CHIC2: variants seen among roughly 807,000 people sequenced by gnomAD.
The protein encoded by CHIC2 is cysteine rich hydrophobic domain 2, also known as cysteine-rich hydrophobic domain-containing protein 2.
A neutral mutation model predicts 25.9 loss-of-function variants in CHIC2; 14 were observed. The ratio of observed to expected loss-of-function variants is 0.54; its 90% confidence interval spans 0.36 to 0.85. The LOEUF is 0.85. Ranked by LOEUF, CHIC2 falls within the 40% of genes least tolerant of loss-of-function variation. CHIC2 has a pLI of 0.01. For synonymous variants in CHIC2, 70 were observed against 72.0 expected, an observed-to-expected ratio of 0.97 and a Z score of 0.14; for missense variants, 146 against 202.0, an observed-to-expected ratio of 0.72 and a Z score of 1.68.
chr4:54,009,999 T>G lies in CHIC2; in HGVS notation c.*96A>C. The G allele has an allele frequency of 1.3e-6, 1 of 756,872 alleles. No homozygotes were observed. The highest frequency in any genetic ancestry group is 2.2e-6 in the Non-Finnish European group (1 of 460,434). The allele number at this position is 756,872 out of a possible 1,614,324, so 46.9% of individuals were successfully genotyped here. ...AAACAAAAAAAACACCACACGATTC[T>G]GTAGAACCAATGTTATGTCACCACC... On this transcript the variant is annotated 3_prime_UTR_variant, in exon 6 of 6. Coordinates refer to ENST00000263921, the MANE Select transcript of CHIC2 (RefSeq NM_012110.4).
chr4:54,025,143 A>C (rs368561739), intron 3 of CHIC2, among the ~76,000 whole-genome samples: 7 of 152,008 alleles, frequency 4.6e-5, no homozygotes, highest in East Asian at 1.9e-4. Context: ...CCAAGCTAAG[A>C]CATCATATCC....
intron 3 of CHIC2, among the ~76,000 whole-genome samples, chr4:54,033,049 C>T (rs1165112338): frequency 6.6e-6 from 1 of 152,158 alleles, no homozygotes; most frequent in Non-Finnish European, 1.5e-5. Flanking sequence ...GATGCCTGCT[C>T]CTTTTCATCG....
chr4:54,020,330 C>T (rs1320708316), intron 3 of CHIC2, among the ~76,000 whole-genome samples: 1 of 152,182 alleles, frequency 6.6e-6, no homozygotes, highest in Non-Finnish European at 1.5e-5. Flanking sequence ...CCACCCCCTG[C>T]CACAAAACAC....
the CHIC2 span, among the ~76,000 whole-genome samples, chr4:54,077,830 G>GT: frequency 1.3e-5 from 2 of 152,158 alleles, no homozygotes; most frequent in Non-Finnish European, 2.9e-5. Flanking sequence ...GTTCAAGGGC[G>GT]TATCACTTGA....
In CHIC2 at chr4:54,013,521, G is replaced by A. The variant is rs187630176; in HGVS notation, c.447+316C>T. 5.7e-3 allele frequency among the ~76,000 whole-genome samples: 867 copies of A among 152,166 alleles called. 11 individuals are homozygous for A. The highest frequency in any genetic ancestry group is 0.019 in the African/African-American group (793 of 41,542). ...AAAAAAGCCATATCTGACTTGCTGCGTAACCAAAGTTGTGGTTATTCTTTA... is the reference window on the plus strand; with the variant it reads ...AAAAAAGCCATATCTGACTTGCTGCATAACCAAAGTTGTGGTTATTCTTTA... On this transcript the variant is annotated intron_variant, in intron 5 of 5. Transcript: ENST00000263921.
the CHIC2 span, among the ~76,000 whole-genome samples, chr4:54,074,187 TTCTGTG>T: frequency 1.3e-5 from 2 of 152,126 alleles, no homozygotes; most frequent in South Asian, 4.1e-4. Flanking sequence ...TTTTTTTCTC[TTCTGTG>T]TCTGTGTGTA....
At chr4:54,088,192 T>A in the CHIC2 span, among the ~76,000 whole-genome samples, 1 of 152,094 alleles carries the variant, frequency 6.6e-6, no homozygotes, top group Non-Finnish European at 1.5e-5. Flanking sequence ...TTTGTTCTCT[T>A]TTTTTTAATG....
intron 3 of CHIC2, among the ~76,000 whole-genome samples, chr4:54,016,421 G>T (rs1715741739): frequency 6.6e-6 from 1 of 151,990 alleles, no homozygotes. Context: ...TATAAATCTT[G>T]AATTCCAAAA....
intron 3 of CHIC2, among the ~76,000 whole-genome samples, chr4:54,043,216 T>G (rs945392742): frequency 6.6e-6 from 1 of 152,006 alleles, no homozygotes; most frequent in Non-Finnish European, 1.5e-5. Flanking sequence ...GGTCAGGAGA[T>G]TGAGACCATC....
chr4:54,048,008 G>A (rs186286975), intron 3 of CHIC2, among the ~76,000 whole-genome samples: 24 of 152,100 alleles, frequency 1.6e-4, no homozygotes, highest in African/African-American at 5.3e-4. Flanking sequence ...TGTTTGTTGA[G>A]ACAGAGTTTC....
In CHIC2 at chr4:54,023,713, G is replaced by A. The variant is rs561251820; in HGVS notation, c.331-9594C>T. The stretch of plus-strand genomic sequence containing the variant: ...TTCCACATCTATCATTGAGGCTACC[G>A]CTCTGCCCCTCTCCACTACCTCTCA... On this transcript the variant is annotated intron_variant, in intron 3 of 5. Coordinates refer to ENST00000263921, the MANE Select transcript of CHIC2 (RefSeq NM_012110.4). Among the ~76,000 whole-genome samples, 17 of 152,216 alleles carry A rather than the reference G, an allele frequency of 1.1e-4. No individual in the cohort carries two copies. In the East Asian group the frequency reaches 1.4e-3, roughly 12 times the overall value.
At chr4:54,041,697 A>C (rs1716581852) in intron 3 of CHIC2, among the ~76,000 whole-genome samples, 1 of 152,170 alleles carries the variant, frequency 6.6e-6, no homozygotes, top group African/African-American at 2.4e-5. Flanking sequence ...TAATCCATGT[A>C]TTTTTACCTT....
At chr4:54,011,509 T>A (rs969209220) in intron 5 of CHIC2, among the ~76,000 whole-genome samples, 2 of 152,134 alleles carry the variant, frequency 1.3e-5, no homozygotes, top group African/African-American at 2.4e-5. Flanking sequence ...AGCTTTAAAA[T>A]TTGACAATTA....
chr4:54,046,241 A>T (rs1473343891), intron 3 of CHIC2, among the ~76,000 whole-genome samples: 1 of 152,194 alleles, frequency 6.6e-6, no homozygotes, highest in Admixed American at 6.5e-5. Flanking sequence ...TAATTTATAG[A>T]TTCAATGCCA....
At chr4:54,072,019 G>A in the CHIC2 span, among the ~76,000 whole-genome samples, 1 of 151,396 alleles carries the variant, frequency 6.6e-6, no homozygotes, top group African/African-American at 2.4e-5. Context: ...TTTAGGCTGG[G>A]TGCGGTGGCT....
chr4:54,048,544 C>T (rs73252926), intron 3 of CHIC2, among the ~76,000 whole-genome samples: 1,582 of 152,142 alleles, frequency 0.01, 17 homozygotes, highest in Non-Finnish European at 0.016. Flanking sequence ...TAAGAGTTTT[C>T]CAAACATTTT....
chr4:54,022,203 C>T (rs931213319), intron 3 of CHIC2, among the ~76,000 whole-genome samples: 3 of 152,180 alleles, frequency 2.0e-5, no homozygotes, highest in Non-Finnish European at 2.9e-5. Context: ...GGCAGCCACT[C>T]CCAGAGCCCC....
chr4:54,052,476 T>TCTTTGTC (rs1717031173), intron 1 of CHIC2, among the ~76,000 whole-genome samples: 1 of 151,842 alleles, frequency 6.6e-6, no homozygotes, highest in African/African-American at 2.4e-5. Flanking sequence ...GTACAACTGG[T>TCTTTGTC]TCAGCACAGT....
intron 3 of CHIC2, among the ~76,000 whole-genome samples, chr4:54,033,847 C>T (rs569638803): frequency 3.3e-5 from 5 of 152,028 alleles, no homozygotes; most frequent in Non-Finnish European, 7.4e-5. Context: ...GGCTCTGTCT[C>T]TTCTGTTTAT....
Sources: gnomAD v4.1 joint callset for allele counts (sites outside exome capture counted in the v4.1 genomes callset) on GRCh38, gnomAD v4.1.1 for gene constraint, MANE v1.5 for transcripts, NCBI Gene and HGNC (gene_info 2026-07-23, HGNC 2026-07-21) for gene names.